Variants in CNTNAP2 observed in about 807,000 individuals in gnomAD.
The protein encoded by CNTNAP2 is contactin-associated protein-like 2.
A neutral mutation model predicts 155.2 loss-of-function variants in CNTNAP2; 98 were observed. The observed-to-expected ratio is 0.63, with a 90% confidence interval of 0.54 to 0.75. The LOEUF (loss-of-function observed/expected upper bound fraction) is 0.75, where lower values mean the gene tolerates loss of function less well. Ranked by LOEUF, CNTNAP2 falls within the 30% of genes least tolerant of loss-of-function variation. CNTNAP2 has a pLI of 0.00. For missense variants in CNTNAP2, 1,727 were observed against 1,688.1 expected (o/e 1.02, Z -0.40); for synonymous variants, 651 against 631.2 (o/e 1.03, Z -0.47).
chr7:147,441,949 A>T (rs1797648510), intron 10 of CNTNAP2, among the ~76,000 whole-genome samples: 1 of 146,094 alleles, frequency 6.8e-6, no homozygotes, highest in Admixed American at 7.0e-5. Flanking sequence ...GGCAACCACC[A>T]CTAGGTGGAC....
intron 10 of CNTNAP2, among the ~76,000 whole-genome samples, chr7:147,442,412 C>A (rs1335442643): frequency 6.6e-6 from 1 of 152,116 alleles, no homozygotes; most frequent in African/African-American, 2.4e-5. Flanking sequence ...GAAGTGGGCT[C>A]CCCTCTGACC....
chr7:147,552,108 T>C (rs1799863709), intron 11 of CNTNAP2, among the ~76,000 whole-genome samples: 1 of 152,164 alleles, frequency 6.6e-6, no homozygotes, highest in South Asian at 2.1e-4. Context: ...AAAAAGGAGT[T>C]CTGATTCTTG....
At chr7:147,415,420 G>C (rs116583104) in intron 10 of CNTNAP2, among the ~76,000 whole-genome samples, 43 of 152,258 alleles carry the variant, frequency 2.8e-4, no homozygotes, top group African/African-American at 9.6e-4. Flanking sequence ...ATTGAATCAT[G>C]GGCATGGTTT....
At chr7:147,286,725 A>AT (rs1805187898) in intron 8 of CNTNAP2, among the ~76,000 whole-genome samples, 1 of 152,092 alleles carries the variant, frequency 6.6e-6, no homozygotes, top group Non-Finnish European at 1.5e-5. Context: ...ATACACCACT[A>AT]TTCAAAGTTC....
chr7:146,762,747 T>C (rs1012162901), intron 1 of CNTNAP2, among the ~76,000 whole-genome samples: 20 of 152,114 alleles, frequency 1.3e-4, no homozygotes, highest in African/African-American at 4.8e-4. Context: ...CTCATAATCA[T>C]GGTGGAAGGC....
At chr7:147,436,582 G>A (rs1023495895) in intron 10 of CNTNAP2, among the ~76,000 whole-genome samples, 2 of 152,276 alleles carry the variant, frequency 1.3e-5, no homozygotes, top group Admixed American at 6.5e-5. Context: ...ATAGGCAAGA[G>A]AGGCTTTATT....
chr7:146,901,951 C>T (rs1260477333), intron 3 of CNTNAP2, among the ~76,000 whole-genome samples: 1 of 146,670 alleles, frequency 6.8e-6, no homozygotes, highest in Non-Finnish European at 1.5e-5. Context: ...TCTCGGCTCA[C>T]TGCAAGCTCC....
intron 13 of CNTNAP2, among the ~76,000 whole-genome samples, chr7:147,738,440 C>T (rs1222302040): frequency 2.0e-5 from 3 of 152,024 alleles, no homozygotes; most frequent in Non-Finnish European, 4.4e-5. Context: ...CATGGCCACC[C>T]CAGCTTTCAA....
At chr7:146,661,092 A>T (rs1166380888) in intron 1 of CNTNAP2, among the ~76,000 whole-genome samples, 2 of 152,182 alleles carry the variant, frequency 1.3e-5, no homozygotes, top group African/African-American at 4.8e-5. Flanking sequence ...ATTTTTCCAG[A>T]GGCATTAAGC....
intron 13 of CNTNAP2, among the ~76,000 whole-genome samples, chr7:147,837,621 G>A (rs184155937): frequency 2.0e-5 from 3 of 152,238 alleles, no homozygotes; most frequent in Admixed American, 2.0e-4. Flanking sequence ...CTGCCTATGA[G>A]CCAGTAAAAC....
intron 20 of CNTNAP2, among the ~76,000 whole-genome samples, chr7:148,238,020 G>A (rs1796073429): frequency 6.6e-6 from 1 of 152,202 alleles, no homozygotes; most frequent in Non-Finnish European, 1.5e-5. Context: ...AATAGCTGGT[G>A]CTATTAGTCC....
intron 9 of CNTNAP2, among the ~76,000 whole-genome samples, chr7:147,366,075 G>T (rs1796224758): frequency 6.6e-6 from 1 of 152,082 alleles, no homozygotes. Context: ...GATTCTCCTG[G>T]GTACCTGGAC....
At chr7:148,082,556 G>A (rs10441210) in intron 15 of CNTNAP2, among the ~76,000 whole-genome samples, 77,882 of 151,954 alleles carry the variant, frequency 0.51, 21,721 homozygotes, top group East Asian at 0.82. Flanking sequence ...GAACCAGGAC[G>A]CTCATTGTGG....
chr7:147,141,617 G>A (rs755333560), intron 8 of CNTNAP2, among the ~76,000 whole-genome samples: 1 of 151,942 alleles, frequency 6.6e-6, no homozygotes, highest in Non-Finnish European at 1.5e-5. Context: ...GAATAGAAGA[G>A]CTTTAAAAAT....
chr7:148,228,532 A>G (rs895301306), intron 19 of CNTNAP2, among the ~76,000 whole-genome samples: 1 of 152,088 alleles, frequency 6.6e-6, no homozygotes, highest in African/African-American at 2.4e-5. Context: ...CATCTTTAAG[A>G]ACTATGTTTG....
chr7:148,363,689 C>T (rs902365320), intron 21 of CNTNAP2, among the ~76,000 whole-genome samples: 10 of 152,218 alleles, frequency 6.6e-5, no homozygotes, highest in Non-Finnish European at 1.0e-4. Flanking sequence ...CTCTCGGCAC[C>T]TCCCCTGCCT....
intron 3 of CNTNAP2, among the ~76,000 whole-genome samples, chr7:146,986,728 T>A (rs1798121102): frequency 6.6e-6 from 1 of 152,086 alleles, no homozygotes; most frequent in South Asian, 2.1e-4. Context: ...GCTTTGTGGT[T>A]TTGATTTGCG....
chr7:148,138,136 T>A (rs949754749), intron 16 of CNTNAP2, among the ~76,000 whole-genome samples: 49 of 152,228 alleles, frequency 3.2e-4, no homozygotes, highest in Non-Finnish European at 2.2e-4. Context: ...TTCCTTCTGA[T>A]AGACTTATCT....
rs78490682 is a variant in CNTNAP2, at chr7:147,404,734, C to T, written c.1670+8954C>T. Among the ~76,000 whole-genome samples the T allele has an allele frequency of 8.4e-3, 1,286 of 152,210 alleles. 21 individuals carry two copies. The highest frequency in any genetic ancestry group is 0.03 in the African/African-American group (1,232 of 41,528). Reference sequence around the variant, plus strand: ...AGAAGGGAGGAGCTTCCTGTTTATACATAAACATTTAAGCCATGGGCATCT... The same window carrying T: ...AGAAGGGAGGAGCTTCCTGTTTATATATAAACATTTAAGCCATGGGCATCT... On this transcript the variant is annotated intron_variant, in intron 10 of 23. Coordinates refer to ENST00000361727, the MANE Select transcript of CNTNAP2 (RefSeq NM_014141.6).
Sources: gnomAD v4.1 joint callset for allele counts (sites outside exome capture counted in the v4.1 genomes callset) on GRCh38, gnomAD v4.1.1 for gene constraint, MANE v1.5 for transcripts, NCBI Gene and HGNC (gene_info 2026-07-23, HGNC 2026-07-21) for gene names.